CFHR3: variants seen among roughly 807,000 people sequenced by gnomAD.
CFHR3 encodes complement factor H-related protein 3.
Under a neutral mutation model 36.0 loss-of-function variants are expected in CFHR3, and 22 were observed. That is an observed-to-expected ratio of 0.61 (90% CI 0.44 to 0.87). The LOEUF is 0.87. CFHR3 is among the 40% of genes least tolerant of loss of function. CFHR3 has a pLI of 0.00. For synonymous variants in CFHR3, 97 were observed against 137.4 expected (o/e 0.71, Z 2.06); for missense variants, 276 against 401.3 (o/e 0.69, Z 2.67).
rs796246681 is a variant in CFHR3 at position 196,790,648 on chromosome 1, C to T, written c.796+421C>T. On this transcript the variant is annotated intron_variant, in intron 5 of 5. Coordinates refer to ENST00000367425, the MANE Select transcript of CFHR3 (RefSeq NM_021023.6). ...GTGAGGCAGGAGAATCATTTGAACC[C>T]GGGAGGCAGAGGTTGCAGTGAGTGG... is the stretch of plus-strand genomic sequence containing the variant. 5.2e-5 allele frequency among the ~76,000 whole-genome samples: 7 copies of T among 134,948 alleles called. 1 individual carries two copies. The highest frequency in any genetic ancestry group is 2.0e-4 in the East Asian group (1 of 5,070). The allele number at this position is 134,948 out of a possible 152,430, so 88.5% of individuals were successfully genotyped here.
At chr1:196,776,225 T>C (rs1653712344) in intron 1 of CFHR3, among the ~76,000 whole-genome samples, 1 of 134,554 alleles carries the variant, frequency 7.4e-6, no homozygotes, top group Non-Finnish European at 1.6e-5. Context: ...AATTCTTTCT[T>C]ATCTGATATT....
chr1:196,779,914 A>G lies in CFHR3; in HGVS notation c.371A>G (p.Gln124Arg), dbSNP rs767522131. ...CHPGYGLPKA[Q>R]TTVTCTEKGW... The stretch of plus-strand genomic sequence containing the variant: ...CCTGGCTACGGTCTTCCAAAAGCGC[A>G]GACCACAGTTACATGTACGGAGAAA... Residue 124 changes from glutamine to arginine, a missense_variant, in exon 3 of 6, where the codon CAG (glutamine) becomes CGG (arginine). This residue lies in a region of CFHR3 where 178 missense variants were observed against 247.2 expected (regional missense o/e 0.72). Transcript: ENST00000367425. 2.6e-6 allele frequency: 4 copies of G among 1,533,618 alleles called. No homozygotes were observed. Among genetic ancestry groups the G allele is most frequent in the Non-Finnish European group, 3.5e-6 (4 of 1,133,486 alleles).
At chr1:196,783,372 G>A (rs12408759) in intron 3 of CFHR3, among the ~76,000 whole-genome samples, 1 of 131,952 alleles carries the variant, frequency 7.6e-6, no homozygotes, top group South Asian at 2.7e-4. Context: ...AGTTTCAGAA[G>A]GAATGGTACC....
chr1:196,788,113 A>G, intron 3 of CFHR3, 103 bp from the exon 4 acceptor site: 1 of 807,986 alleles, frequency 1.2e-6, no homozygotes, highest in Non-Finnish European at 1.7e-6. Flanking sequence ...TTCATTAACA[A>G]ATGTTTCATT....
chr1:196,793,413 T>C lies in CFHR3; in HGVS notation c.893T>C (p.Ile298Thr), dbSNP rs1273155633. 2 of 1,527,408 alleles carry C rather than the reference T, an allele frequency of 1.3e-6. 1 individual carries two copies. Among genetic ancestry groups the C allele is most frequent in the South Asian group, 2.5e-5 (2 of 80,560 alleles). 94.6% of individuals were successfully genotyped at this position (1,527,408 alleles called of 1,614,324 possible). The change falls in exon 6 of 6, where the codon ATT (isoleucine) becomes ACT (threonine). Residue 298 changes from isoleucine (I) to threonine (T), a missense_variant. This residue lies in a region of CFHR3 where 76 missense variants were observed against 79.8 expected (regional missense o/e 0.95). Transcript: ENST00000367425. ...TATTATGCAAAAACAGGGGATACCATTGAATTTATGTGTAAATTGGGATAT... is the reference window on the plus strand; with the variant it reads ...TATTATGCAAAAACAGGGGATACCACTGAATTTATGTGTAAATTGGGATAT... ...RKYYAKTGDTIEFMCKLGYNA... is the reference protein window; with the variant it reads ...RKYYAKTGDTTEFMCKLGYNA...
chr1:196,775,089 T>A (rs1653659109), intron 1 of CFHR3, 145 bp downstream of exon 1: 5 of 666,892 alleles, frequency 7.5e-6, no homozygotes, highest in Non-Finnish European at 9.6e-6. Context: ...TGTGAGAGTA[T>A]AACAGAAATT....
intron 1 of CFHR3, among the ~76,000 whole-genome samples, chr1:196,778,586 T>C (rs1377081042): frequency 7.3e-6 from 1 of 136,510 alleles, no homozygotes; most frequent in East Asian, 1.9e-4. Flanking sequence ...GTCAATAATA[T>C]ATCTCATCCG....
At chr1:196,785,106 CTCTT>C (rs1654139999) in intron 3 of CFHR3, among the ~76,000 whole-genome samples, 1 of 135,400 alleles carries the variant, frequency 7.4e-6, no homozygotes, top group South Asian at 2.6e-4. Context: ...GAAAATTCTT[CTCTT>C]TAAGAATGTT....
chr1:196,790,754 AAATAAATAAATAAATAAAT>A (rs1654397657), intron 5 of CFHR3, among the ~76,000 whole-genome samples: 2 of 76,008 alleles, frequency 2.6e-5, no homozygotes, highest in African/African-American at 1.5e-4. Context: ...ATAAATAAAT[AAATAAATAAATAAATAAAT>A]AAATAAATAA....
rs193266582 is a variant in CFHR3, at chr1:196,789,271, T to C, written c.614-774T>C. The C allele has an allele frequency of 1.6e-5, 13 of 790,258 alleles. 1 individual carries two copies. Among genetic ancestry groups the C allele is most frequent in the African/African-American group, 2.4e-5 (1 of 41,028 alleles). 49.0% of individuals were successfully genotyped at this position (790,258 alleles called of 1,614,324 possible). ...TGGAACCTTGATACATAATACAACA[T>C]GGAAGACTCTCAAAAATATTAAGCT... On this transcript the variant is annotated intron_variant, in intron 4 of 5. Transcript: ENST00000367425.
chr1:196,780,030 G>T, intron 3 of CFHR3, 57 bp downstream of exon 3: 1 of 1,516,092 alleles, frequency 6.6e-7, no homozygotes, highest in South Asian at 1.2e-5. Context: ...TAACACGGAC[G>T]ACAGTCTCAG....
chr1:196,789,780 T>A, intron 4 of CFHR3: 9 of 1,300,206 alleles, frequency 6.9e-6, no homozygotes, highest in South Asian at 3.9e-5. Flanking sequence ...ATTCAAGTAT[T>A]TTTTATTAGA....
chr1:196,790,675 GA>G (rs1654390795), intron 5 of CFHR3, among the ~76,000 whole-genome samples: 2 of 134,182 alleles, frequency 1.5e-5, no homozygotes, highest in Admixed American at 7.2e-5. Flanking sequence ...AGTGAGTGGA[GA>G]TTGCACCATT....
At chr1:196,785,470 T>C (rs1440539281) in intron 3 of CFHR3, among the ~76,000 whole-genome samples, 1 of 135,346 alleles carries the variant, frequency 7.4e-6, no homozygotes, top group East Asian at 2.0e-4. Context: ...TCTTTTCACA[T>C]AGTCCCATAT....
intron 5 of CFHR3, among the ~76,000 whole-genome samples, chr1:196,790,917 A>G (rs1366841222): frequency 1.5e-5 from 2 of 135,982 alleles, no homozygotes; most frequent in African/African-American, 3.1e-5. Context: ...ATGGCATCTC[A>G]GCTTAACACC....
intron 3 of CFHR3, among the ~76,000 whole-genome samples, chr1:196,785,736 C>T: frequency 7.3e-6 from 1 of 136,134 alleles, no homozygotes; most frequent in East Asian, 2.0e-4. Context: ...AACTTCTTTG[C>T]CTTTGGTTTG....
chr1:196,790,507 A>G (rs1371900975), intron 5 of CFHR3, among the ~76,000 whole-genome samples: 1 of 135,548 alleles, frequency 7.4e-6, no homozygotes. Flanking sequence ...CAGGCAGACC[A>G]TGAGGTCAGG....
chr1:196,782,905 T>C (rs78816974), intron 3 of CFHR3, among the ~76,000 whole-genome samples: 34,956 of 136,146 alleles, frequency 0.26, 9,432 homozygotes, highest in East Asian at 0.51. Flanking sequence ...ATGCTTCCAG[T>C]TTTTGCCCAT....
Position 196,793,324 on chromosome 1 carries a change from T to G in CFHR3, c.804T>G (p.Cys268Trp). 1 of 1,510,702 alleles carries G rather than the reference T, an allele frequency of 6.6e-7. No individual in the cohort carries two copies. Among genetic ancestry groups the G allele is most frequent in the Non-Finnish European group, 9.0e-7 (1 of 1,117,180 alleles). The allele number at this position is 1,510,702 out of a possible 1,614,324, so 93.6% of individuals were successfully genotyped here. A position where few individuals can be genotyped will look rare whatever the true frequency, so the allele number is the denominator to read the frequency against. The stretch of plus-strand genomic sequence containing the variant: ...GTTTTTTTCTGCTTTCAGATCCATG[T>G]ATAATAACTGAAGAAAACATGAATA... ...WSEPPRCIHP[C>W]IITEENMNKN... The change falls in exon 6 of 6, where the codon TGT becomes TGG. Residue 268 changes from cysteine (C) to tryptophan (W), a missense_variant. Transcript: ENST00000367425.
Sources: allele counts gnomAD v4.1 joint callset (sites outside exome capture counted in the v4.1 genomes callset), GRCh38; gene constraint gnomAD v4.1.1; regional missense constraint gnomAD v4.1.1; transcripts MANE v1.5; gene names NCBI Gene and HGNC (gene_info 2026-07-23, HGNC 2026-07-21).